The following NNT variants were observed in gnomAD, a reference collection of about 807,000 sequenced individuals.
NNT encodes NAD(P) transhydrogenase, mitochondrial.
In NNT, 50 loss-of-function variants were observed where a neutral mutation model predicts 104.8. That is an observed-to-expected ratio of 0.48 (90% confidence interval 0.38 to 0.60). The LOEUF (loss-of-function observed/expected upper bound fraction) is 0.60, where lower values mean the gene tolerates loss of function less well. Ranked by LOEUF, NNT falls within the 20% of genes least tolerant of loss-of-function variation. The probability of loss-of-function intolerance (pLI) is 0.00; values close to 1 mark genes in which losing one functional copy is unlikely to be tolerated. For synonymous variants in NNT, 461 were observed against 490.4 expected (o/e 0.94, Z 0.79); for missense variants, 1,131 against 1,330.7 (o/e 0.85, Z 2.33).
At chr5:43,627,191 G>C (rs1413142018) in intron 6 of NNT, among the ~76,000 whole-genome samples, 2 of 152,136 alleles carry the variant, frequency 1.3e-5, no homozygotes, top group Non-Finnish European at 2.9e-5. Flanking sequence ...TTTACCTCCA[G>C]GGGGCAATCT....
intron 19 of NNT, among the ~76,000 whole-genome samples, chr5:43,685,586 G>A (rs1362599564): frequency 6.6e-6 from 1 of 152,132 alleles, no homozygotes; most frequent in Non-Finnish European, 1.5e-5. Flanking sequence ...GGGCCCAATT[G>A]TACTTACAGT....
intron 5 of NNT, among the ~76,000 whole-genome samples, chr5:43,619,719 G>A (rs1284032711): frequency 2.0e-5 from 3 of 152,190 alleles, no homozygotes; most frequent in Non-Finnish European, 4.4e-5. Flanking sequence ...GAAACCCTGA[G>A]GCTAGGTGTC....
At position 43,645,448 on chromosome 5, in the gene NNT, A is replaced by G. The variant is rs1454649088; in HGVS notation, c.1382A>G (p.Glu461Gly). 4 of 1,575,906 alleles carry G rather than the reference A, an allele frequency of 2.5e-6. No homozygotes were observed. The African/African-American group carries it at 4.1e-5, about 16-fold the overall frequency. ...AAGACAGTGGCTGAGCTGGAAGCTG[A>G]AAAAGCAGCTACCATTACACCCTTC... ...KQKTVAELEA[E>G]KAATITPFRK... The change falls in exon 10 of 22, where the codon GAA (glutamate) becomes GGA (glycine). Residue 461 changes from glutamate (E) to glycine (G), a missense_variant. Transcript: ENST00000344920.
At chr5:43,686,904 A>T (rs947733699) in intron 19 of NNT, among the ~76,000 whole-genome samples, 2 of 152,152 alleles carry the variant, frequency 1.3e-5, no homozygotes, top group African/African-American at 4.8e-5. Context: ...TAAATTGTTC[A>T]AATGCTTTGA....
intron 4 of NNT, among the ~76,000 whole-genome samples, chr5:43,617,156 C>T (rs1239790091): frequency 2.0e-5 from 3 of 152,068 alleles, no homozygotes; most frequent in African/African-American, 4.8e-5. Context: ...AAAATTTTAT[C>T]TAGAAAATGT....
At position 43,707,065 on chromosome 5, in the gene NNT, C is replaced by A. The variant is rs546080096; in HGVS notation, c.*2661C>A. 31 of 151,614 alleles carry A rather than the reference C, an allele frequency of 2.0e-4. No homozygotes were observed. The highest frequency in any genetic ancestry group is 4.4e-4 in the Non-Finnish European group (30 of 67,992). The allele number at this position is 151,614 out of a possible 1,614,324, so 9.4% of individuals were successfully genotyped here. ...AGCACACCAACATGGCACATGTATA[C>A]ATATGTAGCAAACCTGCACGTTGTG... On this transcript the variant is annotated 3_prime_UTR_variant, in exon 22 of 22. Transcript: ENST00000344920.
At chr5:43,687,299 T>A (rs887230458) in intron 19 of NNT, among the ~76,000 whole-genome samples, 1 of 152,198 alleles carries the variant, frequency 6.6e-6, no homozygotes, top group Non-Finnish European at 1.5e-5. Flanking sequence ...CATTCTTTTT[T>A]AAGCATATAC....
chr5:43,702,853 AAG>A, intron 21 of NNT, 117 bp downstream of exon 21: 1 of 688,700 alleles, frequency 1.5e-6, no homozygotes, highest in Admixed American at 3.1e-5. Context: ...GGCCAGGAGT[AAG>A]AGCATGTTTA....
intron 20 of NNT, among the ~76,000 whole-genome samples, chr5:43,701,105 AT>A (rs369377135): frequency 2.0e-5 from 3 of 151,900 alleles, no homozygotes; most frequent in Non-Finnish European, 4.4e-5. Context: ...ATTTTTATGT[AT>A]TTTTTTAACT....
In NNT at chr5:43,644,232, G is replaced by A; in HGVS notation, c.1005G>A (p.Glu335=). ...TTTTATTTAATAAAGAAATGATTGA[G>A]TCAATGAAGGAAGGTTCAGTTGTTG... The part of the protein sequence containing the change: ...APVLFNKEMI[E]SMKEGSVVVD... Residue 335 remains glutamate (E), a synonymous_variant, in exon 8 of 22, where the codon GAG becomes GAA. Transcript: ENST00000344920. The A allele has an allele frequency of 6.2e-7, 1 of 1,611,584 alleles. No individual in the cohort carries two copies. The highest frequency in any genetic ancestry group is 8.5e-7 in the Non-Finnish European group (1 of 1,179,158).
At chr5:43,698,300 G>A (rs750950090) in intron 19 of NNT, among the ~76,000 whole-genome samples, 1 of 151,634 alleles carries the variant, frequency 6.6e-6, no homozygotes, top group African/African-American at 2.4e-5. Context: ...TTCCCAGCTG[G>A]GGCCATTGTC....
chr5:43,626,867 G>A (rs902526525), intron 6 of NNT, among the ~76,000 whole-genome samples: 2 of 150,928 alleles, frequency 1.3e-5, no homozygotes, highest in African/African-American at 4.9e-5. Context: ...ATATGTATGT[G>A]TGTATATATA....
At chr5:43,703,650 A>G (rs893227795) in intron 21 of NNT, among the ~76,000 whole-genome samples, 5 of 152,226 alleles carry the variant, frequency 3.3e-5, no homozygotes, top group Non-Finnish European at 7.3e-5. Flanking sequence ...AGCAACATCC[A>G]TAACACATGT....
intron 4 of NNT, among the ~76,000 whole-genome samples, chr5:43,618,257 C>T (rs893460609): frequency 6.6e-6 from 1 of 152,172 alleles, no homozygotes; most frequent in Admixed American, 6.5e-5. Context: ...GTCCTCACGA[C>T]CCTAAAAGAT....
At chr5:43,679,270 G>A (rs996355575) in intron 19 of NNT, among the ~76,000 whole-genome samples, 2 of 152,196 alleles carry the variant, frequency 1.3e-5, no homozygotes, top group Non-Finnish European at 2.9e-5. Context: ...ATTTAGTCCA[G>A]ATGTGAAAAA....
chr5:43,614,416 C>T (rs923569759), intron 3 of NNT, among the ~76,000 whole-genome samples: 1 of 152,318 alleles, frequency 6.6e-6, no homozygotes, highest in African/African-American at 2.4e-5. Flanking sequence ...ACTCAGATGA[C>T]AGCGGTCTCA....
At chr5:43,655,004 T>C (rs1393006986) in intron 14 of NNT, among the ~76,000 whole-genome samples, 1 of 152,206 alleles carries the variant, frequency 6.6e-6, no homozygotes. Context: ...ATGCAGTTCC[T>C]TCAGAGGCTC....
chr5:43,658,298 G>A (rs1740164989), intron 16 of NNT, among the ~76,000 whole-genome samples: 1 of 152,120 alleles, frequency 6.6e-6, no homozygotes, highest in South Asian at 2.1e-4. Flanking sequence ...GCTTAAATGA[G>A]TAATACATGA....
In NNT at chr5:43,613,105, A is replaced by G. The variant is rs777968362; in HGVS notation, c.349A>G (p.Lys117Glu). 7.4e-6 allele frequency: 12 copies of G among 1,613,906 alleles called. No homozygotes were observed. Among genetic ancestry groups the G allele is most frequent in the Admixed American group, 6.7e-5 (4 of 59,994 alleles). The change falls in exon 3 of 22, where the codon AAG becomes GAG. Residue 117 changes from lysine (K) to glutamate (E), a missense_variant. Transcript: ENST00000344920. Reference sequence around the variant, plus strand: ...GGCAGGTGCCCAAATCCAAGGGGCAAAGGAAGTGCTGGCTTCTGATTTGGT... The same window carrying G: ...GGCAGGTGCCCAAATCCAAGGGGCAGAGGAAGTGCTGGCTTCTGATTTGGT... ...RVAGAQIQGA[K>E]EVLASDLVVK...
Sources: allele counts gnomAD v4.1 joint callset (sites outside exome capture counted in the v4.1 genomes callset), GRCh38; gene constraint gnomAD v4.1.1; transcripts MANE v1.5; gene names NCBI Gene and HGNC (gene_info 2026-07-23, HGNC 2026-07-21).